The following PRR33 variants were observed in gnomAD, a reference collection of about 807,000 sequenced individuals.
PRR33 encodes the protein proline rich 33, also known as proline-rich protein 33.
PRR33 carries 1 observed loss-of-function variant against 0.5 expected under a neutral mutation model. The observed-to-expected ratio is 2.18, with a 90% CI of 0.77 to 10.34. PRR33 has a LOEUF of 10.34. Ranked by LOEUF, PRR33 falls within the 30% of genes most tolerant of loss-of-function variation. The pLI, the probability that PRR33 is intolerant of heterozygous loss-of-function variation, is 0.13. For missense variants in PRR33, 552 were observed against 251.8 expected (o/e 2.19, Z -8.07); for synonymous variants, 226 against 110.0 (o/e 2.06, Z -6.60).
At chr11:1,908,338 A>G in the PRR33 span, among the ~76,000 whole-genome samples, 1 of 143,780 alleles carries the variant, frequency 7.0e-6, no homozygotes, top group African/African-American at 2.6e-5. Flanking sequence ...CCCCAAATAA[A>G]CTCACTAGAA....
At chr11:1,893,445 C>CTGGATGGA (rs573701664), upstream of PRR33, among the ~76,000 whole-genome samples, 19,995 of 140,658 alleles carry the variant, frequency 0.14, 1,570 homozygotes, top group Middle Eastern at 0.21. Context: ...GGCTGGCTGG[C>CTGGATGGA]TGGCTGGATG....
upstream of PRR33, among the ~76,000 whole-genome samples, chr11:1,895,984 G>A (rs1012594702): frequency 6.6e-6 from 1 of 152,090 alleles, no homozygotes; most frequent in Admixed American, 6.6e-5. Flanking sequence ...CTCCAGCCTG[G>A]GCAACAGAGT....
At chr11:1,915,159 G>GTGTT in the PRR33 span, among the ~76,000 whole-genome samples, 1 of 149,304 alleles carries the variant, frequency 6.7e-6, no homozygotes, top group African/African-American at 2.5e-5. Flanking sequence ...GTGTGTGTGT[G>GTGTT]TGTGTGTTCT....
chr11:1,914,233 G>C, the PRR33 span, among the ~76,000 whole-genome samples: 2 of 151,856 alleles, frequency 1.3e-5, no homozygotes, highest in Admixed American at 6.6e-5. Context: ...GTTTCTGTGT[G>C]TGTGTGTGTG....
chr11:1,889,608 G>A, exon 1 of PRR33: 1 of 616,372 alleles, frequency 1.6e-6, no homozygotes, highest in Middle Eastern at 2.6e-4. Flanking sequence ...GACAGGGCAT[G>A]GGTGAGGGCC....
At chr11:1,902,879 C>T in the PRR33 span, among the ~76,000 whole-genome samples, 1,353 of 152,154 alleles carry the variant, frequency 8.9e-3, 20 homozygotes, top group Non-Finnish European at 0.012. Flanking sequence ...ATTACTCATG[C>T]CCCCCACCCC....
chr11:1,899,576 A>T, the PRR33 span, among the ~76,000 whole-genome samples: 4 of 152,154 alleles, frequency 2.6e-5, no homozygotes, highest in African/African-American at 9.7e-5. Flanking sequence ...ACTATTTCAT[A>T]AGGCACCAAC....
chr11:1,914,875 GTGTGTT>G, the PRR33 span, among the ~76,000 whole-genome samples: 1 of 147,560 alleles, frequency 6.8e-6, no homozygotes, highest in Non-Finnish European at 1.5e-5. Context: ...GTGTGTGTGT[GTGTGTT>G]GTGAGGTCAC....
At chr11:1,916,666 A>G in the PRR33 span, among the ~76,000 whole-genome samples, 3 of 151,922 alleles carry the variant, frequency 2.0e-5, no homozygotes, top group Non-Finnish European at 4.4e-5. Flanking sequence ...GCCACTGCCC[A>G]CCCCGCCCCC....
chr11:1,890,726 G>A, exon 1 of PRR33: 1 of 605,964 alleles, frequency 1.7e-6, no homozygotes, highest in Non-Finnish European at 2.9e-6. Context: ...TGAGCACCCA[G>A]AACCTGCCAG....
At chr11:1,915,762 G>T in the PRR33 span, among the ~76,000 whole-genome samples, 1 of 133,430 alleles carries the variant, frequency 7.5e-6, no homozygotes, top group East Asian at 2.6e-4. Flanking sequence ...TGGAGGGAGG[G>T]ATGGATGGAT....
At chr11:1,910,004 A>AC in the PRR33 span, among the ~76,000 whole-genome samples, 1 of 151,664 alleles carries the variant, frequency 6.6e-6, no homozygotes, top group East Asian at 2.0e-4. Context: ...CAACTCTTTC[A>AC]CCCCCACCCC....
the PRR33 span, among the ~76,000 whole-genome samples, chr11:1,912,776 T>G: frequency 6.6e-6 from 1 of 151,998 alleles, no homozygotes; most frequent in Admixed American, 6.6e-5. Flanking sequence ...GGCTAATTTA[T>G]TTTCATTTTT....
chr11:1,899,534 G>T, the PRR33 span, among the ~76,000 whole-genome samples: 1 of 152,306 alleles, frequency 6.6e-6, no homozygotes, highest in East Asian at 1.9e-4. Flanking sequence ...AGGAGTGGAA[G>T]ATACATGAGG....
the PRR33 span, among the ~76,000 whole-genome samples, chr11:1,916,842 A>G: frequency 5.4e-4 from 82 of 152,084 alleles, no homozygotes; most frequent in African/African-American, 1.9e-3. Context: ...GCTCCTGGAA[A>G]CCTGGAGGTC....
At chr11:1,895,289 C>T (rs985270689), upstream of PRR33, among the ~76,000 whole-genome samples, 12 of 152,070 alleles carry the variant, frequency 7.9e-5, no homozygotes, top group Non-Finnish European at 2.9e-5. Flanking sequence ...TTTGCCACCA[C>T]GCCGGGCTAA....
At chr11:1,913,572 G>A in the PRR33 span, among the ~76,000 whole-genome samples, 8 of 152,202 alleles carry the variant, frequency 5.3e-5, no homozygotes, top group East Asian at 3.9e-4. Flanking sequence ...CCCTGACCAC[G>A]TCCCCTCTGA....
exon 1 of PRR33, chr11:1,889,864 A>G (rs1210473014): frequency 3.2e-6 from 2 of 630,752 alleles, no homozygotes; most frequent in Non-Finnish European, 5.8e-6. Flanking sequence ...TCCTCAGGCA[A>G]GGGACTGGCA....
At chr11:1,915,036 T>G in the PRR33 span, among the ~76,000 whole-genome samples, 4 of 147,610 alleles carry the variant, frequency 2.7e-5, no homozygotes, top group African/African-American at 1.0e-4. Flanking sequence ...GACACACGGA[T>G]GATGTTTGTG....
Sources: gnomAD v4.1 joint callset for allele counts (sites outside exome capture counted in the v4.1 genomes callset) on GRCh38, gnomAD v4.1.1 for gene constraint, MANE v1.5 for transcripts, NCBI Gene and HGNC (gene_info 2026-07-23, HGNC 2026-07-21) for gene names.